MED1: variants seen among roughly 807,000 people sequenced by gnomAD.
The protein encoded by MED1 is mediator of RNA polymerase II transcription subunit 1.
Under a neutral mutation model 121.3 loss-of-function variants are expected in MED1, and 17 were observed. That is an observed-to-expected ratio of 0.14 (90% CI 0.10 to 0.21). MED1 has a LOEUF of 0.21. MED1 is among the 10% of genes least tolerant of loss of function. MED1 has a pLI of 1.00. For missense variants in MED1, 1,558 were observed against 1,919.4 expected, an observed-to-expected ratio of 0.81 and a Z score of 3.52; for synonymous variants, 661 against 694.4, an observed-to-expected ratio of 0.95 and a Z score of 0.76.
At chr17:39,434,191 G>A (rs1567649450) in intron 7 of MED1, 58 bp downstream of exon 7, 24 of 1,218,310 alleles carry the variant, frequency 2.0e-5, no homozygotes, top group Non-Finnish European at 2.8e-5. Flanking sequence ...GGCATAAGGT[G>A]GCTTATAGAT....
In MED1 at chr17:39,409,238, G is replaced by A. The variant is rs61673563; in HGVS notation, c.2983C>T (p.Arg995Cys). The A allele has an allele frequency of 3.7e-6, 6 of 1,614,062 alleles. No individual in the cohort carries two copies. Among genetic ancestry groups the A allele is most frequent in the Non-Finnish European group, 5.1e-6 (6 of 1,180,022 alleles). Residue 995 changes from arginine to cysteine, a missense_variant, in exon 17 of 17, where the codon CGC becomes TGC. Arg to Cys is a radical substitution (Grantham distance 180, BLOSUM62 -3). Transcript: ENST00000300651. ...GPGLDSKPGK[R>C]SRTPSNDGKS... ...CCATCATTAGAAGGGGTCCGACTGC[G>A]CTTCCCTGGTTTGCTGTCTAATCCG... is the stretch of plus-strand genomic sequence containing the variant.
Position 39,410,328 on chromosome 17 carries a change from A to C in MED1, c.1893T>G (p.Pro631=). 1 of 1,613,678 alleles carries C rather than the reference A, an allele frequency of 6.2e-7. No individual in the cohort carries two copies. Among genetic ancestry groups the C allele is most frequent in the Non-Finnish European group, 8.5e-7 (1 of 1,179,912 alleles). The stretch of plus-strand genomic sequence containing the variant: ...TGGTGTTGCCGGCCATCGAAGAGAC[A>C]GGTGGCGGCGTGTGATGAGGAGGGG... ...SPTPPHHTPP[P]VSSMAGNTKN... Residue 631 remains proline (P), a synonymous_variant, in exon 17 of 17, where the codon CCT becomes CCG. Transcript: ENST00000300651.
chr17:39,431,200 G>A lies in MED1; in HGVS notation c.576-12C>T. Reference sequence around the variant, plus strand: ...CATTAGTTGCTTTCCTGTAAGACAAGTGATCTATGTTTGCTTATATTTAAT... The same window carrying A: ...CATTAGTTGCTTTCCTGTAAGACAAATGATCTATGTTTGCTTATATTTAAT... On this transcript the variant is annotated splice_polypyrimidine_tract_variant and intron_variant, in intron 8 of 16. Transcript: ENST00000300651. 6.3e-7 allele frequency: 1 copy of A among 1,597,984 alleles called. No homozygotes were observed. Among genetic ancestry groups the A allele is most frequent in the South Asian group, 1.1e-5 (1 of 90,710 alleles).
intron 10 of MED1, 46 bp downstream of exon 10, chr17:39,427,655 T>C: frequency 2.1e-6 from 3 of 1,402,370 alleles, no homozygotes; most frequent in Non-Finnish European, 3.0e-6. Context: ...AAAGGCAAGC[T>C]GGGCACCGAA....
At chr17:39,429,148 G>A (rs1428789933) in intron 9 of MED1, among the ~76,000 whole-genome samples, 1 of 151,440 alleles carries the variant, frequency 6.6e-6, no homozygotes, top group African/African-American at 2.4e-5. Context: ...CTGCACCACT[G>A]CACTCTAGCC....
chr17:39,437,620 A>G (rs925512326), intron 6 of MED1, among the ~76,000 whole-genome samples: 1 of 150,344 alleles, frequency 6.7e-6, no homozygotes, highest in Admixed American at 6.6e-5. Context: ...GAATCAAAAT[A>G]AGAAAAAAAA....
At chr17:39,414,478 G>A (rs1336773771) in intron 16 of MED1, among the ~76,000 whole-genome samples, 1 of 149,196 alleles carries the variant, frequency 6.7e-6, no homozygotes, top group African/African-American at 2.5e-5. Flanking sequence ...TGGGACTACA[G>A]GCGCCCGCCA....
intron 16 of MED1, among the ~76,000 whole-genome samples, chr17:39,410,949 C>T (rs1199409174): frequency 6.6e-6 from 1 of 152,146 alleles, no homozygotes; most frequent in African/African-American, 2.4e-5. Context: ...CAAAAGCAAA[C>T]TATAAACAAG....
At chr17:39,431,819 T>C in intron 8 of MED1, 123 bp downstream of exon 8, 1 of 634,978 alleles carries the variant, frequency 1.6e-6, no homozygotes, top group Non-Finnish European at 2.7e-6. Flanking sequence ...AATACAATCA[T>C]CATTTTGGAA....
In MED1 at chr17:39,405,948, C is replaced by T. The variant is rs1412811911; in HGVS notation, c.*1527G>A. The T allele has an allele frequency of 6.1e-6, 6 of 985,078 alleles. No homozygotes were observed. The highest frequency in any genetic ancestry group is 6.2e-5 in the Admixed American group (1 of 16,260). 61.0% of individuals were successfully genotyped at this position (985,078 alleles called of 1,614,324 possible). On this transcript the variant is annotated 3_prime_UTR_variant, in exon 17 of 17. Transcript: ENST00000300651. ...AACCCAGAAGAGTTGTGCTGGGGACCATGCCCCATCCCGCTGATACAGATC... is the reference window on the plus strand; with the variant it reads ...AACCCAGAAGAGTTGTGCTGGGGACTATGCCCCATCCCGCTGATACAGATC...
In MED1 at chr17:39,430,692, T is replaced by TA. The variant is rs57515877; in HGVS notation, c.649+422dup. On this transcript the variant is annotated intron_variant, in intron 9 of 16. Transcript: ENST00000300651. ...TGGGCAACAGAGCAAGACTCCGTCT[T>TA]AAAAAAAAAAAAAAAAAACAGAATA... Among the ~76,000 whole-genome samples, 1,153 of 116,866 alleles carry TA rather than the reference T, an allele frequency of 9.9e-3. 17 individuals are homozygous for TA. The highest frequency in any genetic ancestry group is 0.031 in the African/African-American group (956 of 30,354). The allele number at this position is 116,866 out of a possible 152,430, so 76.7% of individuals were successfully genotyped here.
chr17:39,447,359 C>T (rs1484541579), intron 2 of MED1, among the ~76,000 whole-genome samples: 4 of 151,020 alleles, frequency 2.6e-5, no homozygotes, highest in Non-Finnish European at 5.9e-5. Flanking sequence ...CTATTACAAC[C>T]CAGCCTGGGC....
intron 13 of MED1, among the ~76,000 whole-genome samples, chr17:39,422,399 C>T (rs935289589): frequency 1.1e-4 from 17 of 149,002 alleles, no homozygotes; most frequent in African/African-American, 3.7e-4. Flanking sequence ...CTCTTGACCT[C>T]GTGATCCACC....
intron 9 of MED1, 145 bp downstream of exon 9, chr17:39,430,970 G>T: frequency 1.5e-6 from 1 of 673,760 alleles, no homozygotes; most frequent in Non-Finnish European, 2.5e-6. Flanking sequence ...AGTAAGCCGA[G>T]ATCATGCCAC....
chr17:39,432,624 T>G (rs1330239469), intron 7 of MED1, among the ~76,000 whole-genome samples: 2 of 149,986 alleles, frequency 1.3e-5, no homozygotes, highest in African/African-American at 2.5e-5. Context: ...CGTGGCAGCA[T>G]GCGCCTGTAG....
At position 39,427,739 on chromosome 17, in the gene MED1, T is replaced by C. The variant is rs748681118; in HGVS notation, c.701A>G (p.Asp234Gly). 1.9e-6 allele frequency: 3 copies of C among 1,605,492 alleles called. No individual in the cohort carries two copies. In the South Asian group the frequency reaches 3.3e-5, roughly 18 times the overall value. ...YYVSPSDLLD[D>G]KTASPIILHE... is the part of the protein sequence containing the mutation. ...CAAAATGATGGGAGATGCAGTCTTGTCATCCAGTAGGTCAGAAGGAGAGAC... is the reference window on the plus strand; with the variant it reads ...CAAAATGATGGGAGATGCAGTCTTGCCATCCAGTAGGTCAGAAGGAGAGAC... The change falls in exon 10 of 17, where the codon GAC becomes GGC. Residue 234 changes from aspartate to glycine, a missense_variant. Asp to Gly is a moderately conservative substitution (Grantham distance 94, BLOSUM62 -1). Coordinates refer to ENST00000300651, the MANE Select transcript of MED1 (RefSeq NM_004774.4).
chr17:39,427,038 A>G (rs1175312133), intron 10 of MED1, among the ~76,000 whole-genome samples: 1 of 152,058 alleles, frequency 6.6e-6, no homozygotes, highest in East Asian at 1.9e-4. Flanking sequence ...CTCCCGCCCA[A>G]ACCTCCCAAG....
chr17:39,443,783 T>TA (rs948096729), intron 2 of MED1, among the ~76,000 whole-genome samples, 155 bp from the exon 3 acceptor site: 1 of 133,390 alleles, frequency 7.5e-6, no homozygotes, highest in Admixed American at 7.9e-5. Context: ...AACACTGGTC[T>TA]ACAAGTGTTA....
chr17:39,434,612 G>A (rs796469838), intron 6 of MED1, among the ~76,000 whole-genome samples: 10 of 152,226 alleles, frequency 6.6e-5, no homozygotes, highest in African/African-American at 2.4e-4. Context: ...TAGCTCCCAA[G>A]CAATGAAACC....
Sources: allele counts gnomAD v4.1 joint callset (sites outside exome capture counted in the v4.1 genomes callset), GRCh38; gene constraint gnomAD v4.1.1; transcripts MANE v1.5; gene names NCBI Gene and HGNC (gene_info 2026-07-23, HGNC 2026-07-21).